Variants in WNK1 observed in about 807,000 individuals in gnomAD.
WNK1 encodes the protein WNK lysine deficient protein kinase 1.
In WNK1, 38 loss-of-function variants were observed where a neutral mutation model predicts 222.8. That is an observed-to-expected ratio of 0.17 (90% CI 0.13 to 0.22). The LOEUF (loss-of-function observed/expected upper bound fraction) is 0.22. Ranked by LOEUF, WNK1 falls within the 10% of genes least tolerant of loss-of-function variation. The pLI is 1.00. For synonymous variants in WNK1, 1,090 were observed against 1,092.9 expected (o/e 1.00, Z 0.05); for missense variants, 2,348 against 2,918.4 (o/e 0.80, Z 4.50).
In WNK1 at chr12:761,039, C is replaced by T. The variant is rs935174592; in HGVS notation, c.759+6715C>T. On this transcript the variant is annotated intron_variant, in intron 1 of 27. Transcript: ENST00000315939. Reference sequence around the variant, plus strand: ...ACCTCAGGTGATCCACCTGCCTTGGCCTCTTAAAGTGCTGGGATTACAGGC... The same window carrying T: ...ACCTCAGGTGATCCACCTGCCTTGGTCTCTTAAAGTGCTGGGATTACAGGC... Among the ~76,000 whole-genome samples, 5 of 145,844 alleles carry T rather than the reference C, an allele frequency of 3.4e-5. No individual in the cohort carries two copies. The East Asian group carries it at 7.8e-4, about 23-fold the overall frequency.
chr12:755,045 C>T (rs1254110748), intron 1 of WNK1, among the ~76,000 whole-genome samples: 1 of 152,150 alleles, frequency 6.6e-6, no homozygotes, highest in South Asian at 2.1e-4. Flanking sequence ...TATCTTTAAG[C>T]TGAACTTTCC....
At chr12:894,143 A>G (rs373490315) in intron 22 of WNK1, among the ~76,000 whole-genome samples, 2 of 152,008 alleles carry the variant, frequency 1.3e-5, no homozygotes, top group South Asian at 2.1e-4. Context: ...ACCTGAACCC[A>G]GTAGGTGGAG....
chr12:813,314 T>G (rs1276071490), intron 1 of WNK1, among the ~76,000 whole-genome samples: 1 of 152,196 alleles, frequency 6.6e-6, no homozygotes, highest in Non-Finnish European at 1.5e-5. Context: ...GAACTGGAAT[T>G]TATATTTAGG....
intron 9 of WNK1, among the ~76,000 whole-genome samples, chr12:873,820 CTT>C (rs1447155433): frequency 5.3e-5 from 8 of 152,168 alleles, no homozygotes; most frequent in Non-Finnish European, 1.0e-4. Flanking sequence ...AACCATATCT[CTT>C]GTTTTATTTT....
At position 905,372 on chromosome 12, in the gene WNK1, C is replaced by T. The variant is rs72650793; in HGVS notation, c.6644-2475C>T. Among the ~76,000 whole-genome samples the T allele has an allele frequency of 3.9e-3, 588 of 152,188 alleles. 4 individuals carry two copies. The highest frequency in any genetic ancestry group is 0.031 in the South Asian group (150 of 4,812). ...CTCTTCCTCATGGTTTCTCTTTCCTCATAGAGAATCCTGTATTAGGTAATG... is the reference window on the plus strand; with the variant it reads ...CTCTTCCTCATGGTTTCTCTTTCCTTATAGAGAATCCTGTATTAGGTAATG... On this transcript the variant is annotated intron_variant, in intron 26 of 27. Transcript: ENST00000315939.
intron 14 of WNK1, 93 bp from the exon 15 acceptor site, chr12:882,850 A>G (rs1953300875): frequency 2.4e-6 from 2 of 822,642 alleles, no homozygotes; most frequent in Non-Finnish European, 4.3e-6. Flanking sequence ...TTCCTTAGAC[A>G]TAAAGTCAAG....
chr12:844,927 G>A (rs977049083), intron 4 of WNK1, among the ~76,000 whole-genome samples: 1 of 110,978 alleles, frequency 9.0e-6, no homozygotes, highest in Non-Finnish European at 1.7e-5. Flanking sequence ...ACGGAGTCTC[G>A]CTCTGTCACC....
At chr12:845,375 G>A (rs1949958288) in intron 4 of WNK1, among the ~76,000 whole-genome samples, 1 of 152,128 alleles carries the variant, frequency 6.6e-6, no homozygotes, top group African/African-American at 2.4e-5. Context: ...ACAGACCCCA[G>A]CCACTCTAGA....
chr12:840,023 G>A (rs1456728330), intron 4 of WNK1, among the ~76,000 whole-genome samples: 7 of 151,626 alleles, frequency 4.6e-5, no homozygotes, highest in Admixed American at 2.6e-4. Context: ...CACCACACCT[G>A]GCCCATTCTG....
chr12:838,871 G>A (rs978178455), intron 4 of WNK1, among the ~76,000 whole-genome samples: 1 of 152,010 alleles, frequency 6.6e-6, no homozygotes, highest in African/African-American at 2.4e-5. Flanking sequence ...ATCTTTTTGA[G>A]GGACACAGTT....
Position 830,000 on chromosome 12 carries a change from A to G in WNK1, c.1154-3A>G. Reference sequence around the variant, plus strand: ...TGAGTCTGAATCGTTCTTTTAATTTAAGGTACCCCAGAGTTCATGGCCCCT... The same window carrying G: ...TGAGTCTGAATCGTTCTTTTAATTTGAGGTACCCCAGAGTTCATGGCCCCT... On this transcript the variant is annotated splice_polypyrimidine_tract_variant and splice_region_variant and intron_variant, in intron 3 of 27. Coordinates refer to ENST00000315939, the MANE Select transcript of WNK1 (RefSeq NM_018979.4). 1 of 1,614,014 alleles carries G rather than the reference A, an allele frequency of 6.2e-7. No individual in the cohort carries two copies. Among genetic ancestry groups the G allele is most frequent in the Non-Finnish European group, 8.5e-7 (1 of 1,179,968 alleles).
intron 26 of WNK1, chr12:904,506 T>G: frequency 7.8e-7 from 1 of 1,289,120 alleles, no homozygotes; most frequent in Non-Finnish European, 1.0e-6. Context: ...TAATTATCTT[T>G]TCTGTTATTT....
intron 1 of WNK1, among the ~76,000 whole-genome samples, chr12:776,412 T>TTGTGTGTGTGTGTGTGTG (rs59148357): frequency 6.2e-4 from 90 of 146,214 alleles, no homozygotes; most frequent in East Asian, 3.3e-3. Flanking sequence ...GTTTGTGTGT[T>TTGTGTGTGTGTGTGTGTG]TGTGTGTGTG....
chr12:757,309 CTTTTT>C (rs946901263), intron 1 of WNK1, among the ~76,000 whole-genome samples: 1,831 of 83,516 alleles, frequency 0.022, 42 homozygotes, highest in African/African-American at 0.045. Context: ...AGCATCAATT[CTTTTT>C]TTTTTTTTTT....
chr12:865,200 A>G, intron 8 of WNK1: 1 of 1,535,304 alleles, frequency 6.5e-7, no homozygotes, highest in Non-Finnish European at 8.7e-7. Context: ...CTTCCACCCC[A>G]CCGCCAGTAC....
At chr12:854,353 A>ATGTT (rs1565523237) in intron 4 of WNK1, among the ~76,000 whole-genome samples, 1 of 57,496 alleles carries the variant, frequency 1.7e-5, no homozygotes, top group Non-Finnish European at 3.6e-5. Context: ...ACTTATCATT[A>ATGTT]TCTTTTTTTT....
At position 760,760 on chromosome 12, in the gene WNK1, G is replaced by GT. The variant is rs201087981; in HGVS notation, c.759+6446dup. ...GGTAGCAGGCTTAATTTTATATGTA[G>GT]TTTTTTTTTTATTGTTGTTGTTTTT... is the stretch of plus-strand genomic sequence containing the variant. On this transcript the variant is annotated intron_variant, in intron 1 of 27. Transcript: ENST00000315939. Among the ~76,000 whole-genome samples the GT allele has an allele frequency of 6.2e-4, 88 of 140,974 alleles. 6 individuals are homozygous for GT. The highest frequency in any genetic ancestry group is 8.1e-4 in the Non-Finnish European group (51 of 63,318). 92.5% of individuals were successfully genotyped at this position (140,974 alleles called of 152,430 possible). A position where few individuals can be genotyped will look rare whatever the true frequency, so the allele number is the denominator to read the frequency against.
At chr12:825,524 A>G (rs966452354) in intron 2 of WNK1, among the ~76,000 whole-genome samples, 1 of 152,190 alleles carries the variant, frequency 6.6e-6, no homozygotes, top group Non-Finnish European at 1.5e-5. Flanking sequence ...CATATCTTAT[A>G]CAAGTACAAG....
chr12:760,940 ATT>A (rs11284313), intron 1 of WNK1, among the ~76,000 whole-genome samples: 18 of 130,072 alleles, frequency 1.4e-4, no homozygotes, highest in Admixed American at 2.3e-4. Context: ...CACCCGGCTA[ATT>A]TTTTTTTTTT....
Sources: gnomAD v4.1 joint callset for allele counts (sites outside exome capture counted in the v4.1 genomes callset) on GRCh38, gnomAD v4.1.1 for gene constraint, MANE v1.5 for transcripts, NCBI Gene and HGNC (gene_info 2026-07-23, HGNC 2026-07-21) for gene names.